Variants in DYRK1A observed in about 807,000 individuals in gnomAD.
The protein encoded by DYRK1A is dual specificity tyrosine phosphorylation regulated kinase 1A.
DYRK1A carries 9 observed loss-of-function variants against 79.7 expected under a neutral mutation model. The ratio of observed to expected loss-of-function variants is 0.11; its 90% CI spans 0.07 to 0.20. The LOEUF (loss-of-function observed/expected upper bound fraction) is 0.20, where lower values mean the gene tolerates loss of function less well. DYRK1A is among the 10% of genes least tolerant of loss of function. DYRK1A has a pLI of 1.00. For missense variants in DYRK1A, 622 were observed against 956.0 expected, an observed-to-expected ratio of 0.65 and a Z score of 4.61; for synonymous variants, 349 against 329.7, an observed-to-expected ratio of 1.06 and a Z score of -0.63.
At chr21:37,505,092 G>A (rs1329890713) in intron 9 of DYRK1A, 191 bp from the exon 10 acceptor site, 1 of 570,328 alleles carries the variant, frequency 1.8e-6, no homozygotes, top group African/African-American at 1.9e-5. Flanking sequence ...TTTGGTCTCA[G>A]AATTAATGTT....
chr21:37,464,202 C>A, intron 2 of DYRK1A: 2 of 429,236 alleles, frequency 4.7e-6, no homozygotes, highest in South Asian at 1.8e-5. Flanking sequence ...CTGTGTTTAC[C>A]ACTATCTTTT....
chr21:37,508,846 T>C (rs948924872), intron 11 of DYRK1A, among the ~76,000 whole-genome samples: 4 of 152,248 alleles, frequency 2.6e-5, no homozygotes, highest in Admixed American at 1.3e-4. Flanking sequence ...CTACTATTTA[T>C]GCTTCAGGTC....
intron 2 of DYRK1A, among the ~76,000 whole-genome samples, chr21:37,453,294 C>T (rs2051520323): frequency 6.6e-6 from 1 of 152,098 alleles, no homozygotes; most frequent in Admixed American, 6.6e-5. Context: ...TTCTTTGTAG[C>T]TACATTTCAA....
rs1329544864 is a variant in DYRK1A, at chr21:37,420,325, C to T, written c.-50C>T. The T allele has an allele frequency of 1.3e-6, 2 of 1,591,104 alleles. No individual in the cohort carries two copies. Among genetic ancestry groups the T allele is most frequent in the Non-Finnish European group, 1.7e-6 (2 of 1,161,594 alleles). On this transcript the variant is annotated 5_prime_UTR_variant, in exon 2 of 12. Transcript: ENST00000647188. ...GTTATAGTTTTGCCGCTGGACTCTT[C>T]CCTCCCTTCCCCCACCCCATCAGGA... is the stretch of plus-strand genomic sequence containing the variant.
At chr21:37,435,623 C>G (rs1278420471) in intron 2 of DYRK1A, among the ~76,000 whole-genome samples, 1 of 152,178 alleles carries the variant, frequency 6.6e-6, no homozygotes, top group Non-Finnish European at 1.5e-5. Context: ...GGTAGCAGCA[C>G]TATGCACAGG....
intron 1 of DYRK1A, among the ~76,000 whole-genome samples, chr21:37,408,237 C>G (rs2050183707): frequency 6.6e-6 from 1 of 152,178 alleles, no homozygotes; most frequent in African/African-American, 2.4e-5. Context: ...TGCTTTTGTC[C>G]AGTAGCTCAC....
intron 1 of DYRK1A, among the ~76,000 whole-genome samples, chr21:37,370,915 C>T (rs2049416439): frequency 6.6e-6 from 1 of 152,094 alleles, no homozygotes; most frequent in Non-Finnish European, 1.5e-5. Context: ...GTAATAGCAC[C>T]TTATGTATAT....
intron 1 of DYRK1A, among the ~76,000 whole-genome samples, chr21:37,414,358 G>C (rs1336717396): frequency 6.6e-6 from 1 of 152,132 alleles, no homozygotes; most frequent in Non-Finnish European, 1.5e-5. Context: ...CATTAGTCGT[G>C]TGTGATTTGG....
chr21:37,466,341 G>A (rs1026479794), intron 2 of DYRK1A, among the ~76,000 whole-genome samples: 1 of 152,140 alleles, frequency 6.6e-6, no homozygotes, highest in African/African-American at 2.4e-5. Context: ...AGTCAAGGAT[G>A]CATAATCTTT....
intron 1 of DYRK1A, chr21:37,419,192 T>G (rs558383428): frequency 6.4e-4 from 98 of 152,286 alleles, no homozygotes; most frequent in African/African-American, 2.3e-3. Flanking sequence ...TCCAGTTGGT[T>G]TCTTTCTTTC....
chr21:37,460,290 TTGTC>T (rs540330524), intron 2 of DYRK1A, among the ~76,000 whole-genome samples: 1 of 152,162 alleles, frequency 6.6e-6, no homozygotes, highest in Non-Finnish European at 1.5e-5. Context: ...GCAGATTGAT[TTGTC>T]TGTGCTCTTT....
At chr21:37,472,959 A>C (rs557809067) in intron 3 of DYRK1A, 79 bp downstream of exon 3, 1 of 1,102,864 alleles carries the variant, frequency 9.1e-7, no homozygotes, top group South Asian at 2.7e-5. Context: ...AAGTAGGCAA[A>C]ATGCTTTAAT....
At chr21:37,394,390 AG>A (rs1367509889) in intron 1 of DYRK1A, among the ~76,000 whole-genome samples, 1 of 152,198 alleles carries the variant, frequency 6.6e-6, no homozygotes, top group East Asian at 1.9e-4. Flanking sequence ...TTTCAAATTC[AG>A]TTGAACTGTA....
intron 3 of DYRK1A, among the ~76,000 whole-genome samples, chr21:37,473,877 G>A (rs527411648): frequency 6.6e-6 from 1 of 152,296 alleles, no homozygotes; most frequent in East Asian, 1.9e-4. Flanking sequence ...GCGTGTTTGA[G>A]AATTGGGACA....
intron 2 of DYRK1A, among the ~76,000 whole-genome samples, chr21:37,446,285 T>G (rs1453495323): frequency 1.1e-4 from 16 of 152,190 alleles, no homozygotes; most frequent in Admixed American, 9.8e-4. Flanking sequence ...TAAGAAGTAT[T>G]AGCTCTGAAA....
Position 37,512,731 on chromosome 21 carries a change from A to G in DYRK1A, c.*200A>G. The G allele has an allele frequency of 3.3e-6, 2 of 611,360 alleles. No homozygotes were observed. The highest frequency in any genetic ancestry group is 2.8e-6 in the Non-Finnish European group (1 of 354,438). 37.9% of individuals were successfully genotyped at this position (611,360 alleles called of 1,614,324 possible). A position where few individuals can be genotyped will look rare whatever the true frequency, so the allele number is the denominator to read the frequency against. ...GTTTAAAAGAGCCATGTCCAAACCC[A>G]TCTTCATGGATAGCTCAGAGGTATC... On this transcript the variant is annotated 3_prime_UTR_variant, in exon 12 of 12. Transcript: ENST00000647188.
chr21:37,505,983 T>G, intron 10 of DYRK1A, 116 bp from the exon 11 acceptor site: 1 of 1,245,020 alleles, frequency 8.0e-7, no homozygotes, highest in South Asian at 1.6e-5. Context: ...ATATTAGAGA[T>G]TTTGTATGTG....
At chr21:37,470,440 T>G (rs138475391) in intron 2 of DYRK1A, among the ~76,000 whole-genome samples, 128 of 152,266 alleles carry the variant, frequency 8.4e-4, no homozygotes, top group African/African-American at 2.9e-3. Context: ...AAAAAGTGTT[T>G]GGTGTGTGTC....
intron 1 of DYRK1A, among the ~76,000 whole-genome samples, chr21:37,416,199 G>C (rs1317241887): frequency 6.6e-6 from 1 of 152,060 alleles, no homozygotes; most frequent in Non-Finnish European, 1.5e-5. Context: ...TCTATAAAAT[G>C]CCTTAGCCAA....
Sources: allele counts gnomAD v4.1 joint callset (sites outside exome capture counted in the v4.1 genomes callset), GRCh38; gene constraint gnomAD v4.1.1; transcripts MANE v1.5; gene names NCBI Gene and HGNC (gene_info 2026-07-23, HGNC 2026-07-21).